Variants in ZNF609 observed in about 807,000 individuals in gnomAD.
ZNF609 encodes zinc finger protein 609.
ZNF609 carries 11 observed loss-of-function variants against 109.5 expected under a neutral mutation model. That is an observed-to-expected ratio of 0.10 (90% CI 0.06 to 0.17). ZNF609 has a LOEUF of 0.17. Ranked by LOEUF, ZNF609 falls within the 10% of genes least tolerant of loss-of-function variation. ZNF609 has a pLI of 1.00. For missense variants in ZNF609, 1,559 were observed against 1,772.4 expected (o/e 0.88, Z 2.16); for synonymous variants, 646 against 662.0 (o/e 0.98, Z 0.37).
intron 1 of ZNF609, among the ~76,000 whole-genome samples, chr15:64,461,273 G>C (rs2140323907): frequency 6.6e-6 from 1 of 151,740 alleles, no homozygotes; most frequent in South Asian, 2.1e-4. Flanking sequence ...GAAGCAGGAC[G>C]TGTGCGTGAC....
chr15:64,671,187 G>A (rs1896723886), intron 4 of ZNF609: 1 of 145,718 alleles, frequency 6.9e-6, no homozygotes, highest in Non-Finnish European at 1.5e-5. Context: ...TCCAGCCTGG[G>A]GGACAGAGCA....
chr15:64,609,124 C>CTT (rs1895670080), intron 2 of ZNF609, among the ~76,000 whole-genome samples: 2 of 33,394 alleles, frequency 6.0e-5, no homozygotes, highest in Non-Finnish European at 2.1e-4. Context: ...TTCTTTCTTT[C>CTT]TTTCTTTTTT....
At chr15:64,573,928 T>C (rs1329016999) in intron 2 of ZNF609, among the ~76,000 whole-genome samples, 1 of 152,096 alleles carries the variant, frequency 6.6e-6, no homozygotes, top group Admixed American at 6.6e-5. Flanking sequence ...GAGTGGTGAA[T>C]GAAGGGGAAA....
chr15:64,474,437 T>C (rs1893138637), intron 1 of ZNF609, among the ~76,000 whole-genome samples: 1 of 151,848 alleles, frequency 6.6e-6, no homozygotes, highest in African/African-American at 2.4e-5. Flanking sequence ...GGTCTCGAAC[T>C]CCCGACCTCA....
At chr15:64,578,801 C>G (rs150930652) in intron 2 of ZNF609, among the ~76,000 whole-genome samples, 1 of 152,294 alleles carries the variant, frequency 6.6e-6, no homozygotes, top group East Asian at 1.9e-4. Flanking sequence ...GAGTTTAAGA[C>G]CAGCCTCAGC....
At chr15:64,605,241 A>G (rs1408122638) in intron 2 of ZNF609, among the ~76,000 whole-genome samples, 1 of 152,228 alleles carries the variant, frequency 6.6e-6, no homozygotes, top group Admixed American at 6.5e-5. Flanking sequence ...GGAAGAAAGA[A>G]ACAGTATAAC....
At chr15:64,510,063 C>T (rs767267414) in intron 2 of ZNF609, among the ~76,000 whole-genome samples, 1 of 152,164 alleles carries the variant, frequency 6.6e-6, no homozygotes, top group Non-Finnish European at 1.5e-5. Context: ...ACATTATTCA[C>T]CCCATTTCAT....
chr15:64,560,986 T>C (rs1894668664), intron 2 of ZNF609, among the ~76,000 whole-genome samples: 1 of 152,222 alleles, frequency 6.6e-6, no homozygotes, highest in African/African-American at 2.4e-5. Context: ...ATCTAAATTC[T>C]GTTACCAAGG....
intron 1 of ZNF609, among the ~76,000 whole-genome samples, chr15:64,471,838 C>T (rs923853596): frequency 2.0e-5 from 3 of 152,102 alleles, no homozygotes; most frequent in South Asian, 2.1e-4. Flanking sequence ...CAACCTCGGC[C>T]TCCCAAAGTG....
At chr15:64,575,829 A>G (rs529081) in intron 2 of ZNF609, among the ~76,000 whole-genome samples, 132,172 of 152,240 alleles carry the variant, frequency 0.87, 58,590 homozygotes, top group East Asian at 0.96. Flanking sequence ...TTGGCCGGGC[A>G]AGGTGGCTCA....
At chr15:64,643,560 T>C (rs80217314) in intron 3 of ZNF609, among the ~76,000 whole-genome samples, 1,993 of 152,208 alleles carry the variant, frequency 0.013, 33 homozygotes, top group African/African-American at 0.046. Context: ...TTGGCCATTA[T>C]AAGAGGTCTA....
In ZNF609 at chr15:64,674,909, A is replaced by C. The variant is rs757544679; in HGVS notation, c.2055A>C (p.Ser685=). 247 of 1,614,062 alleles carry C rather than the reference A, an allele frequency of 1.5e-4. 1 individual carries two copies. In the East Asian group the frequency reaches 5.3e-3, roughly 35 times the overall value. The part of the protein sequence containing the change: ...TFTAASPGSS[S]GLTATVAQAM... ...CAGCAGCGAGCCCAGGCTCTTCCTC[A>C]GGCTTGACCGCCACAGTGGCACAAG... The change falls in exon 5 of 10, where the codon TCA becomes TCC. Residue 685 remains serine (S), a synonymous_variant. Transcript: ENST00000326648.
At chr15:64,548,114 G>T (rs558383805) in intron 2 of ZNF609, among the ~76,000 whole-genome samples, 16 of 152,232 alleles carry the variant, frequency 1.1e-4, no homozygotes, top group African/African-American at 3.4e-4. Flanking sequence ...AGAAGAAATG[G>T]TTCCAAGCAA....
intron 1 of ZNF609, among the ~76,000 whole-genome samples, chr15:64,461,631 C>T (rs1227044471): frequency 2.0e-5 from 3 of 152,152 alleles, no homozygotes; most frequent in African/African-American, 4.8e-5. Context: ...ATTTCAGCTT[C>T]GAGGAATTAG....
intron 2 of ZNF609, 48 bp downstream of exon 2, chr15:64,500,214 G>T (rs747507518): frequency 6.3e-7 from 1 of 1,595,550 alleles, no homozygotes; most frequent in African/African-American, 1.3e-5. Flanking sequence ...AGTCAGAACT[G>T]CCCTGGACTA....
chr15:64,664,478 T>C (rs781419436), intron 3 of ZNF609, among the ~76,000 whole-genome samples: 10 of 152,186 alleles, frequency 6.6e-5, no homozygotes, highest in Non-Finnish European at 1.2e-4. Flanking sequence ...TGCTGAGCCT[T>C]TCCTTATTTT....
intron 4 of ZNF609, chr15:64,671,423 T>C (rs1896729941): frequency 6.6e-6 from 1 of 152,134 alleles, no homozygotes; most frequent in African/African-American, 2.4e-5. Context: ...ACTGGAATTA[T>C]TAAAGTCACC....
chr15:64,640,195 A>G (rs531683547), intron 3 of ZNF609, among the ~76,000 whole-genome samples: 5 of 151,816 alleles, frequency 3.3e-5, no homozygotes, highest in African/African-American at 1.2e-4. Flanking sequence ...CTTTTTTTAA[A>G]TCTACTTATT....
rs1896719588 is a variant in ZNF609, at chr15:64,671,046, A to G, written c.1061+613A>G. 2.0e-5 allele frequency among the ~76,000 whole-genome samples: 3 copies of G among 151,424 alleles called. No individual in the cohort carries two copies. In the South Asian group the frequency reaches 6.2e-4, roughly 32 times the overall value. On this transcript the variant is annotated intron_variant, in intron 4 of 9. Transcript: ENST00000326648. ...AACACAGTGAAACCCCATCTCTACT[A>G]AAAATACAAAAAAATTAGCCGGGCG...
Sources: allele counts gnomAD v4.1 joint callset (sites outside exome capture counted in the v4.1 genomes callset), GRCh38; gene constraint gnomAD v4.1.1; transcripts MANE v1.5; gene names NCBI Gene and HGNC (gene_info 2026-07-23, HGNC 2026-07-21).